Variants in SNX25 observed in about 807,000 individuals in gnomAD.
SNX25 encodes the protein sorting nexin 25.
Under a neutral mutation model 113.7 loss-of-function variants are expected in SNX25, and 62 were observed. The ratio of observed to expected loss-of-function variants is 0.55; its 90% CI spans 0.44 to 0.67. The LOEUF (loss-of-function observed/expected upper bound fraction) is 0.67. Among genes scored for constraint, SNX25 ranks in the 30% least tolerant of loss-of-function variants. The pLI, the probability that SNX25 is intolerant of heterozygous loss-of-function variation, is 0.00. For synonymous variants in SNX25, 421 were observed against 436.2 expected, an observed-to-expected ratio of 0.97 and a Z score of 0.43; for missense variants, 1,014 against 1,161.0, an observed-to-expected ratio of 0.87 and a Z score of 1.84.
chr4:185,337,733 ATC>A (rs2095239106), intron 10 of SNX25, among the ~76,000 whole-genome samples: 1 of 152,158 alleles, frequency 6.6e-6, no homozygotes, highest in Non-Finnish European at 1.5e-5. Flanking sequence ...AAGGGTTCCA[ATC>A]TCTCCATGTC....
At chr4:185,326,888 C>G (rs1369376410) in intron 9 of SNX25, among the ~76,000 whole-genome samples, 1 of 152,176 alleles carries the variant, frequency 6.6e-6, no homozygotes, top group African/African-American at 2.4e-5. Flanking sequence ...TAAGAAAAAC[C>G]TGTTGTGCTT....
chr4:185,335,508 G>T (rs2126712731), intron 10 of SNX25, among the ~76,000 whole-genome samples: 1 of 152,240 alleles, frequency 6.6e-6, no homozygotes, highest in Non-Finnish European at 1.5e-5. Context: ...GAGACATAGT[G>T]GTGCAGACTT....
intron 16 of SNX25, among the ~76,000 whole-genome samples, chr4:185,361,025 G>A (rs2095360779): frequency 6.6e-6 from 1 of 151,826 alleles, no homozygotes; most frequent in Non-Finnish European, 1.5e-5. Context: ...GCATAACTGT[G>A]CAAGTCAAAT....
In SNX25 at chr4:185,354,944, C is replaced by T. The variant is rs117847292; in HGVS notation, c.2584+1342C>T. ...GGCACCAGCCAGCCAAATAGTGCAG[C>T]GTCCATGTCCTGGGCTCTGTCCGTT... On this transcript the variant is annotated intron_variant, in intron 15 of 18. Coordinates refer to ENST00000652585, the MANE Select transcript of SNX25 (RefSeq NM_001378034.2). Among the ~76,000 whole-genome samples, 1,096 of 152,342 alleles carry T rather than the reference C, an allele frequency of 7.2e-3. 14 individuals are homozygous for T. Among genetic ancestry groups the T allele is most frequent in the South Asian group, 0.051 (244 of 4,828 alleles).
In SNX25 at chr4:185,223,137, A is replaced by ACC. The variant is rs1740258875; in HGVS notation, c.429+12885_429+12886dup. Among the ~76,000 whole-genome samples the ACC allele has an allele frequency of 2.0e-5, 3 of 152,012 alleles. No individual in the cohort carries two copies. In the South Asian group the frequency reaches 6.2e-4, roughly 32 times the overall value. ...ACCCCATACACCCCTTTGTATCTCC[A>ACC]CCCCAATATCAGCACCTTCTCTCCC... On this transcript the variant is annotated intron_variant, in intron 1 of 18. Coordinates refer to ENST00000652585, the MANE Select transcript of SNX25 (RefSeq NM_001378034.2).
chr4:185,287,366 T>G (rs1355445058), intron 5 of SNX25, among the ~76,000 whole-genome samples: 6 of 152,142 alleles, frequency 3.9e-5, no homozygotes, highest in African/African-American at 1.4e-4. Context: ...GGTGCAGATA[T>G]TTTGATTCTG....
At chr4:185,302,366 A>G (rs1753824149) in intron 6 of SNX25, among the ~76,000 whole-genome samples, 1 of 152,130 alleles carries the variant, frequency 6.6e-6, no homozygotes, top group Non-Finnish European at 1.5e-5. Flanking sequence ...CTAGACTTGC[A>G]ACTAGTGTCT....
chr4:185,351,211 A>G (rs2095313285), intron 13 of SNX25, among the ~76,000 whole-genome samples: 2 of 152,252 alleles, frequency 1.3e-5, no homozygotes, highest in East Asian at 3.8e-4. Flanking sequence ...GTTATCTCCC[A>G]TGAGCAGAGT....
chr4:185,290,496 A>G (rs1366200638), intron 6 of SNX25, among the ~76,000 whole-genome samples: 1 of 152,180 alleles, frequency 6.6e-6, no homozygotes. Context: ...GTTAGCAGTG[A>G]TTGTCACCTC....
intron 1 of SNX25, among the ~76,000 whole-genome samples, chr4:185,226,499 G>C (rs1377080167): frequency 6.6e-6 from 1 of 152,222 alleles, no homozygotes; most frequent in African/African-American, 2.4e-5. Flanking sequence ...TGCCCAGGCT[G>C]GGGTGCAGTG....
At chr4:185,256,604 C>G (rs917205282) in intron 2 of SNX25, among the ~76,000 whole-genome samples, 26 of 150,848 alleles carry the variant, frequency 1.7e-4, no homozygotes, top group South Asian at 4.2e-4. Context: ...TCCCTCCCCC[C>G]AGAGAGCTCA....
chr4:185,359,974 A>G (rs965221416), intron 16 of SNX25, among the ~76,000 whole-genome samples: 1 of 152,176 alleles, frequency 6.6e-6, no homozygotes, highest in Non-Finnish European at 1.5e-5. Flanking sequence ...CCTTCAGCAG[A>G]TGATGACTCA....
chr4:185,345,995 T>C (rs2095284291), intron 12 of SNX25, among the ~76,000 whole-genome samples: 1 of 152,098 alleles, frequency 6.6e-6, no homozygotes, highest in Non-Finnish European at 1.5e-5. Context: ...GTAGCTGGGA[T>C]TACAAGCATG....
chr4:185,378,178 C>G, the SNX25 span: 1 of 1,613,794 alleles, frequency 6.2e-7, no homozygotes, highest in Non-Finnish European at 8.5e-7. Flanking sequence ...TTTCACTGGT[C>G]AACTTCATCC....
At chr4:185,296,322 C>T (rs1393739448) in intron 6 of SNX25, among the ~76,000 whole-genome samples, 9 of 152,062 alleles carry the variant, frequency 5.9e-5, no homozygotes, top group East Asian at 3.9e-4. Flanking sequence ...TAAGACAACC[C>T]GTAGAGCTCT....
chr4:185,297,904 C>T (rs1753061034), intron 6 of SNX25, among the ~76,000 whole-genome samples: 1 of 152,150 alleles, frequency 6.6e-6, no homozygotes, highest in African/African-American at 2.4e-5. Flanking sequence ...GGGACACATT[C>T]AGTCCATAAC....
chr4:185,230,714 T>G (rs936379045), intron 1 of SNX25, among the ~76,000 whole-genome samples: 1 of 152,166 alleles, frequency 6.6e-6, no homozygotes, highest in African/African-American at 2.4e-5. Context: ...ATCATAATCT[T>G]TATCATCAGG....
chr4:185,375,101 C>A (rs553259532), downstream of SNX25, among the ~76,000 whole-genome samples: 377 of 152,034 alleles, frequency 2.5e-3, 2 homozygotes, highest in African/African-American at 8.7e-3. Context: ...TAATATTGGA[C>A]AATCAAATAT....
At chr4:185,204,873 C>T (rs1018370767), upstream of SNX25, among the ~76,000 whole-genome samples, 19 of 152,224 alleles carry the variant, frequency 1.2e-4, no homozygotes, top group Admixed American at 1.1e-3. Flanking sequence ...GAACTAGAGC[C>T]TGCAAATTTT....
Sources: allele counts gnomAD v4.1 joint callset (sites outside exome capture counted in the v4.1 genomes callset), GRCh38; gene constraint gnomAD v4.1.1; transcripts MANE v1.5; gene names NCBI Gene and HGNC (gene_info 2026-07-23, HGNC 2026-07-21).